Variants in CALD1 observed in about 807,000 individuals in gnomAD.
The protein encoded by CALD1 is caldesmon 1, also known as caldesmon.
Under a neutral mutation model 99.9 loss-of-function variants are expected in CALD1, and 33 were observed. The ratio of observed to expected loss-of-function variants is 0.33; its 90% confidence interval spans 0.25 to 0.44. The LOEUF (loss-of-function observed/expected upper bound fraction) is 0.44. Among genes scored for constraint, CALD1 ranks in the 20% least tolerant of loss-of-function variants. CALD1 has a pLI of 1.00. For synonymous variants in CALD1, 310 were observed against 325.0 expected (o/e 0.95, Z 0.50); for missense variants, 861 against 962.1 (o/e 0.89, Z 1.39).
intron 9 of CALD1, among the ~76,000 whole-genome samples, chr7:134,953,943 T>G (rs911868556): frequency 6.6e-6 from 1 of 152,222 alleles, no homozygotes; most frequent in African/African-American, 2.4e-5. Flanking sequence ...CAGTCTATGC[T>G]TCCCTCCATG....
chr7:134,802,090 T>C (rs1290277999), intron 1 of CALD1, among the ~76,000 whole-genome samples: 2 of 133,552 alleles, frequency 1.5e-5, no homozygotes, highest in Non-Finnish European at 3.3e-5. Flanking sequence ...GTGTAATATA[T>C]ATGTGTATGT....
chr7:134,876,969 C>A (rs1284166661), intron 3 of CALD1, among the ~76,000 whole-genome samples: 1 of 152,092 alleles, frequency 6.6e-6, no homozygotes. Context: ...ATCCCAGAAT[C>A]CCAGCTGGAT....
chr7:134,810,477 A>G (rs1371695065), intron 1 of CALD1, among the ~76,000 whole-genome samples: 2 of 152,158 alleles, frequency 1.3e-5, no homozygotes, highest in Non-Finnish European at 2.9e-5. Flanking sequence ...TTTTTCAAAG[A>G]GTCAATATCC....
chr7:134,889,847 ATTAACT>A (rs765779961), intron 3 of CALD1, among the ~76,000 whole-genome samples: 32 of 152,344 alleles, frequency 2.1e-4, no homozygotes, highest in Middle Eastern at 3.4e-3. Context: ...TATAGAGATA[ATTAACT>A]TTAAGTTTAT....
At chr7:134,868,535 A>C (rs1161040200) in intron 3 of CALD1, among the ~76,000 whole-genome samples, 1 of 152,372 alleles carries the variant, frequency 6.6e-6, no homozygotes, top group East Asian at 1.9e-4. Context: ...CACAGAGAGA[A>C]AAATGTTAAA....
At chr7:134,790,633 G>A (rs921752233) in intron 1 of CALD1, among the ~76,000 whole-genome samples, 1 of 152,186 alleles carries the variant, frequency 6.6e-6, no homozygotes, top group African/African-American at 2.4e-5. Context: ...TGACTGGAGA[G>A]GTTGCTCAAG....
chr7:134,944,711 G>A (rs1018918144), intron 7 of CALD1, among the ~76,000 whole-genome samples: 16 of 152,080 alleles, frequency 1.1e-4, no homozygotes, highest in South Asian at 2.1e-4. Context: ...GGATATCTAC[G>A]TTGACATCTA....
chr7:134,806,935 A>G (rs1302328689), intron 1 of CALD1, among the ~76,000 whole-genome samples: 1 of 152,200 alleles, frequency 6.6e-6, no homozygotes, highest in Non-Finnish European at 1.5e-5. Context: ...CTTAATAACC[A>G]TTGCCATCAT....
chr7:134,861,514 A>G (rs1800563029), intron 2 of CALD1, among the ~76,000 whole-genome samples: 1 of 152,204 alleles, frequency 6.6e-6, no homozygotes, highest in Admixed American at 6.5e-5. Flanking sequence ...CAAAACAGAA[A>G]GCAGGTGATA....
At chr7:134,873,024 A>T (rs539353066) in intron 3 of CALD1, among the ~76,000 whole-genome samples, 10 of 152,096 alleles carry the variant, frequency 6.6e-5, no homozygotes, top group South Asian at 2.1e-4. Flanking sequence ...CTCTACTAAA[A>T]ATACAAAAAA....
chr7:134,921,798 A>AAAAAC lies in CALD1; in HGVS notation c.72-6930_72-6926dup, dbSNP rs199982116. Among the ~76,000 whole-genome samples the AAAAAC allele has an allele frequency of 6.1e-3, 927 of 152,278 alleles. 7 individuals are homozygous for AAAAAC. The highest frequency in any genetic ancestry group is 0.031 in the East Asian group (162 of 5,182). ...TGCACTCCAGTGAGATTCTGTCTCA[A>AAAAAC]AAAACAAAACAAAACAAAACAAAAC... On this transcript the variant is annotated intron_variant, in intron 3 of 14. Coordinates refer to ENST00000361675, the MANE Select transcript of CALD1 (RefSeq NM_033138.4).
At chr7:134,763,912 C>T (rs1323458551) in intron 1 of CALD1, among the ~76,000 whole-genome samples, 2 of 115,104 alleles carry the variant, frequency 1.7e-5, no homozygotes, top group African/African-American at 6.6e-5. Context: ...GGCGAGACTC[C>T]ATCTCAAAAA....
At chr7:134,850,479 TG>T (rs1229291219) in intron 2 of CALD1, among the ~76,000 whole-genome samples, 6 of 152,224 alleles carry the variant, frequency 3.9e-5, no homozygotes, top group African/African-American at 1.4e-4. Flanking sequence ...TCTTTTCATC[TG>T]TAAAATGGAA....
intron 3 of CALD1, among the ~76,000 whole-genome samples, chr7:134,905,654 G>A (rs1267687752): frequency 6.6e-6 from 1 of 151,372 alleles, no homozygotes; most frequent in African/African-American, 2.5e-5. Flanking sequence ...TTCTCCTCCT[G>A]GAGGAGCAGG....
At chr7:134,957,156 C>T (rs1220781693) in intron 9 of CALD1, among the ~76,000 whole-genome samples, 1 of 152,168 alleles carries the variant, frequency 6.6e-6, no homozygotes, top group South Asian at 2.1e-4. Flanking sequence ...CTCATTCTAC[C>T]TGTATCCCGC....
At chr7:134,746,926 A>G (rs1796639868) in intron 1 of CALD1, among the ~76,000 whole-genome samples, 1 of 152,236 alleles carries the variant, frequency 6.6e-6, no homozygotes, top group South Asian at 2.1e-4. Context: ...TTGAAGATGT[A>G]GCCTGGTTTC....
chr7:134,955,646 A>G (rs926199264), intron 9 of CALD1, among the ~76,000 whole-genome samples: 1 of 152,186 alleles, frequency 6.6e-6, no homozygotes, highest in African/African-American at 2.4e-5. Context: ...TGTAGGGATA[A>G]CAATCCTGTA....
At chr7:134,906,764 G>C (rs989829675) in intron 3 of CALD1, among the ~76,000 whole-genome samples, 1 of 152,206 alleles carries the variant, frequency 6.6e-6, no homozygotes, top group African/African-American at 2.4e-5. Context: ...AAACCCAGCA[G>C]GGTGAGGTGA....
At chr7:134,743,138 G>A (rs969761280), upstream of CALD1, among the ~76,000 whole-genome samples, 1 of 152,232 alleles carries the variant, frequency 6.6e-6, no homozygotes, top group Non-Finnish European at 1.5e-5. Flanking sequence ...AGGGGAAGAT[G>A]ACTGCTTTAA....
Sources: gnomAD v4.1 joint callset for allele counts (sites outside exome capture counted in the v4.1 genomes callset) on GRCh38, gnomAD v4.1.1 for gene constraint, MANE v1.5 for transcripts, NCBI Gene and HGNC (gene_info 2026-07-23, HGNC 2026-07-21) for gene names.